Variants in SLC39A12 observed in about 807,000 individuals in gnomAD.
The protein encoded by SLC39A12 is solute carrier family 39 member 12.
Under a neutral mutation model 71.1 loss-of-function variants are expected in SLC39A12, and 63 were observed. That is an observed-to-expected ratio of 0.89 (90% CI 0.72 to 1.09). The LOEUF is 1.09. Among genes scored for constraint, SLC39A12 ranks in the 50% least tolerant of loss-of-function variants. The probability of loss-of-function intolerance (pLI) is 0.00; values close to 1 mark genes in which losing one functional copy is unlikely to be tolerated. For synonymous variants in SLC39A12, 351 were observed against 301.3 expected, an observed-to-expected ratio of 1.16 and a Z score of -1.71; for missense variants, 892 against 812.6, an observed-to-expected ratio of 1.10 and a Z score of -1.19.
At chr10:17,962,329 T>G (rs1834712326) in intron 3 of SLC39A12, among the ~76,000 whole-genome samples, 1 of 152,244 alleles carries the variant, frequency 6.6e-6, no homozygotes, top group Non-Finnish European at 1.5e-5. Context: ...TACTCATGGT[T>G]GCCAGCCCTA....
At chr10:17,997,441 A>G (rs978780399) in intron 10 of SLC39A12, among the ~76,000 whole-genome samples, 17 of 152,208 alleles carry the variant, frequency 1.1e-4, no homozygotes, top group African/African-American at 4.1e-4. Context: ...CTAAACTTTT[A>G]GTTCCAAGAG....
At chr10:18,031,180 G>A (rs1052926778) in intron 12 of SLC39A12, among the ~76,000 whole-genome samples, 8 of 146,234 alleles carry the variant, frequency 5.5e-5, no homozygotes, top group African/African-American at 2.0e-4. Flanking sequence ...GGATGGCTGG[G>A]TCAAATGGTA....
chr10:18,041,533 T>A (rs901811231), intron 12 of SLC39A12, among the ~76,000 whole-genome samples: 4 of 69,874 alleles, frequency 5.7e-5, no homozygotes, highest in Non-Finnish European at 1.1e-4. Context: ...TATGTATATA[T>A]ATACACACAC....
chr10:17,974,431 G>A (rs1297732398), intron 4 of SLC39A12, among the ~76,000 whole-genome samples: 2 of 152,182 alleles, frequency 1.3e-5, no homozygotes, highest in Non-Finnish European at 2.9e-5. Context: ...ATAGTACAAA[G>A]GACTTAGGTG....
intron 12 of SLC39A12, among the ~76,000 whole-genome samples, chr10:18,041,957 A>G (rs1240579335): frequency 6.6e-6 from 1 of 151,226 alleles, no homozygotes; most frequent in Admixed American, 6.6e-5. Flanking sequence ...TTACTGTTCT[A>G]AAGATCAGGA....
At chr10:18,006,289 GA>G (rs1836014571) in intron 12 of SLC39A12, among the ~76,000 whole-genome samples, 1 of 152,190 alleles carries the variant, frequency 6.6e-6, no homozygotes, top group Non-Finnish European at 1.5e-5. Context: ...GGTCAGCAAA[GA>G]AGAAAGTCCT....
intron 12 of SLC39A12, among the ~76,000 whole-genome samples, chr10:18,041,653 ATG>A (rs1474556334): frequency 1.7e-5 from 1 of 60,594 alleles, no homozygotes; most frequent in Non-Finnish European, 4.0e-5. Context: ...GTATATACAT[ATG>A]TATATATGTG....
intron 12 of SLC39A12, chr10:18,008,482 A>C (rs1836101063): frequency 6.6e-6 from 1 of 152,188 alleles, no homozygotes; most frequent in South Asian, 2.1e-4. Context: ...TTACAATGTA[A>C]TAATAATAGA....
At chr10:18,041,604 TATATATGTATATA>T in intron 12 of SLC39A12, among the ~76,000 whole-genome samples, 1 of 137,806 alleles carries the variant, frequency 7.3e-6, no homozygotes, top group Non-Finnish European at 1.5e-5. Context: ...TATATGTGTA[TATATATGTATATA>T]CATATGTATA....
rs1215518127 is a variant in SLC39A12, at chr10:18,017,249, ATCT to A, written c.1947+13895_1947+13897del. Among the ~76,000 whole-genome samples, 7 of 152,134 alleles carry A rather than the reference ATCT, an allele frequency of 4.6e-5. No individual in the cohort carries two copies. The East Asian group carries it at 1.2e-3, about 25-fold the overall frequency. On this transcript the variant is annotated intron_variant, in intron 12 of 12. Coordinates refer to ENST00000377369, the MANE Select transcript of SLC39A12 (RefSeq NM_001145195.2). ...GGTCACCTAGATTTCTTTTATCCTA[ATCT>A]TCTAGGATTTTTATGGTTTTGCATT... is the stretch of plus-strand genomic sequence containing the variant.
chr10:18,027,911 G>C (rs1836723730), intron 12 of SLC39A12, among the ~76,000 whole-genome samples: 1 of 152,252 alleles, frequency 6.6e-6, no homozygotes. Context: ...GCTGGAGTTA[G>C]AGACTCCCAC....
chr10:18,036,241 C>T (rs924244048), intron 12 of SLC39A12, among the ~76,000 whole-genome samples: 1 of 152,238 alleles, frequency 6.6e-6, no homozygotes, highest in Non-Finnish European at 1.5e-5. Context: ...GCGCCCCTCC[C>T]CCAGCCTCAC....
chr10:18,007,985 T>A (rs1011844380), intron 12 of SLC39A12, among the ~76,000 whole-genome samples: 4 of 152,242 alleles, frequency 2.6e-5, no homozygotes, highest in Non-Finnish European at 4.4e-5. Context: ...CTTGTTCACA[T>A]GCCTCTGACA....
At chr10:17,972,017 T>A (rs780127763) in intron 4 of SLC39A12, among the ~76,000 whole-genome samples, 10 of 152,220 alleles carry the variant, frequency 6.6e-5, no homozygotes, top group Non-Finnish European at 1.5e-4. Context: ...TCATAGGATT[T>A]GGTATGTTGT....
chr10:17,970,455 G>A (rs116785947), intron 4 of SLC39A12, among the ~76,000 whole-genome samples: 2,061 of 151,902 alleles, frequency 0.014, 40 homozygotes, highest in African/African-American at 0.043. Flanking sequence ...GTCTTCTTCA[G>A]TTTCTTTCAT....
chr10:17,960,450 A>G lies in SLC39A12; in HGVS notation c.262-1131A>G, dbSNP rs372736791. Among the ~76,000 whole-genome samples, 13 of 152,304 alleles carry G rather than the reference A, an allele frequency of 8.5e-5. No homozygotes were observed. In the East Asian group the frequency reaches 2.3e-3, roughly 27 times the overall value. On this transcript the variant is annotated intron_variant, in intron 2 of 12. Coordinates refer to ENST00000377369, the MANE Select transcript of SLC39A12 (RefSeq NM_001145195.2). ...GCAGTATGTTCTGATTCCCTTCAACAAAATCATTTTTGGCAATTTCCCTAA... is the reference window on the plus strand; with the variant it reads ...GCAGTATGTTCTGATTCCCTTCAACGAAATCATTTTTGGCAATTTCCCTAA...
At chr10:17,974,794 G>A (rs77172685) in intron 4 of SLC39A12, among the ~76,000 whole-genome samples, 8,466 of 152,146 alleles carry the variant, frequency 0.056, 740 homozygotes, top group African/African-American at 0.19. Context: ...AAGGCCTTGG[G>A]ACTCTACAAT....
chr10:17,963,164 A>AAGAAGAAAAGCAGG (rs1554848602), intron 3 of SLC39A12, among the ~76,000 whole-genome samples: 2 of 152,142 alleles, frequency 1.3e-5, no homozygotes, highest in African/African-American at 4.8e-5. Flanking sequence ...CTATCTCTAA[A>AAGAAGAAAAGCAGG]AGAAGAAAAG....
At chr10:17,982,048 T>C (rs1835274064) in intron 6 of SLC39A12, among the ~76,000 whole-genome samples, 1 of 152,194 alleles carries the variant, frequency 6.6e-6, no homozygotes, top group Non-Finnish European at 1.5e-5. Flanking sequence ...AGGGCTGCCT[T>C]TCTCACATCA....
Sources: allele counts gnomAD v4.1 joint callset (sites outside exome capture counted in the v4.1 genomes callset), GRCh38; gene constraint gnomAD v4.1.1; transcripts MANE v1.5; gene names NCBI Gene and HGNC (gene_info 2026-07-23, HGNC 2026-07-21).